Variants in GRIN2B observed in about 807,000 individuals in gnomAD.
GRIN2B encodes glutamate receptor ionotropic, NMDA 2B.
Under a neutral mutation model 114.5 loss-of-function variants are expected in GRIN2B, and 5 were observed. The observed-to-expected ratio is 0.04, with a 90% CI of 0.02 to 0.09. The LOEUF (loss-of-function observed/expected upper bound fraction) is 0.09. GRIN2B is among the 10% of genes least tolerant of loss of function. The pLI is 1.00. For missense variants in GRIN2B, 1,108 were observed against 1,943.5 expected, an observed-to-expected ratio of 0.57 and a Z score of 8.08; for synonymous variants, 787 against 745.1, an observed-to-expected ratio of 1.06 and a Z score of -0.92.
chr12:13,922,752 G>A (rs1407716423), intron 2 of GRIN2B, among the ~76,000 whole-genome samples: 1 of 152,140 alleles, frequency 6.6e-6, no homozygotes, highest in African/African-American at 2.4e-5. Flanking sequence ...ATCTCCTACT[G>A]GTGGTAACAG....
chr12:13,644,107 C>T (rs1949742777), intron 5 of GRIN2B, among the ~76,000 whole-genome samples: 1 of 152,178 alleles, frequency 6.6e-6, no homozygotes, highest in Non-Finnish European at 1.5e-5. Flanking sequence ...ATTTACTTTG[C>T]CTACATCCAT....
At chr12:13,838,426 T>C (rs1204188417) in intron 3 of GRIN2B, among the ~76,000 whole-genome samples, 2 of 152,122 alleles carry the variant, frequency 1.3e-5, no homozygotes. Flanking sequence ...TTTCTTACCT[T>C]CCTAGTTCTC....
chr12:13,759,757 T>C (rs1863644044), intron 3 of GRIN2B, among the ~76,000 whole-genome samples: 1 of 152,224 alleles, frequency 6.6e-6, no homozygotes, highest in South Asian at 2.1e-4. Context: ...GGATGATCTT[T>C]TGTAAACTTA....
chr12:13,907,405 G>A (rs185913530), intron 2 of GRIN2B, among the ~76,000 whole-genome samples: 6 of 151,742 alleles, frequency 4.0e-5, no homozygotes, highest in Admixed American at 3.9e-4. Context: ...CACGAGAATT[G>A]CTTGAGACCG....
intron 3 of GRIN2B, among the ~76,000 whole-genome samples, chr12:13,767,258 C>CAAA (rs34462939): frequency 0.12 from 11,316 of 97,410 alleles, 620 homozygotes; most frequent in Non-Finnish European, 0.14. Flanking sequence ...GACTCTGTCT[C>CAAA]AAAAAAAAAA....
chr12:13,890,886 C>G (rs1866249087), intron 2 of GRIN2B, among the ~76,000 whole-genome samples: 1 of 152,168 alleles, frequency 6.6e-6, no homozygotes, highest in Admixed American at 6.5e-5. Flanking sequence ...CTGGGTATCA[C>G]AACTTTGAGG....
intron 2 of GRIN2B, among the ~76,000 whole-genome samples, chr12:13,887,272 G>A (rs1194947475): frequency 6.6e-6 from 1 of 152,136 alleles, no homozygotes; most frequent in East Asian, 1.9e-4. Context: ...TTAATAATTT[G>A]TAGTATTTAT....
intron 3 of GRIN2B, among the ~76,000 whole-genome samples, chr12:13,757,408 C>T (rs955777988): frequency 6.6e-6 from 1 of 152,118 alleles, no homozygotes; most frequent in Admixed American, 6.5e-5. Flanking sequence ...GGGAAATCTT[C>T]ATGTGTGCAT....
At chr12:13,902,282 C>T (rs993938274) in intron 2 of GRIN2B, among the ~76,000 whole-genome samples, 2 of 151,862 alleles carry the variant, frequency 1.3e-5, no homozygotes, top group Non-Finnish European at 2.9e-5. Context: ...AAAAATCTGC[C>T]GCATATTAAT....
At chr12:13,915,622 G>A (rs1866703916) in intron 2 of GRIN2B, among the ~76,000 whole-genome samples, 1 of 152,226 alleles carries the variant, frequency 6.6e-6, no homozygotes. Context: ...CACTTGAAAT[G>A]TGGCTTAGCA....
At chr12:13,829,258 A>T (rs1435851433) in intron 3 of GRIN2B, among the ~76,000 whole-genome samples, 1 of 152,144 alleles carries the variant, frequency 6.6e-6, no homozygotes, top group Non-Finnish European at 1.5e-5. Flanking sequence ...TTGTTTATTG[A>T]TGTGTTTTAT....
chr12:13,877,127 A>G (rs889152377), intron 2 of GRIN2B, among the ~76,000 whole-genome samples: 1 of 152,228 alleles, frequency 6.6e-6, no homozygotes, highest in Non-Finnish European at 1.5e-5. Flanking sequence ...ATCAATGTTT[A>G]TATGAGAGTT....
At chr12:13,930,930 T>C (rs556808754) in intron 2 of GRIN2B, among the ~76,000 whole-genome samples, 2 of 152,266 alleles carry the variant, frequency 1.3e-5, no homozygotes, top group South Asian at 4.1e-4. Flanking sequence ...ATAATATCAA[T>C]CAGAAGTTCA....
intron 2 of GRIN2B, among the ~76,000 whole-genome samples, chr12:13,918,764 T>A (rs897396139): frequency 6.6e-6 from 1 of 152,204 alleles, no homozygotes; most frequent in African/African-American, 2.4e-5. Flanking sequence ...GAGGTCTCTT[T>A]TTTATACAGT....
At chr12:13,605,527 T>TCTCTCC (rs1949230489) in intron 10 of GRIN2B, among the ~76,000 whole-genome samples, 1 of 55,524 alleles carries the variant, frequency 1.8e-5, no homozygotes, top group South Asian at 6.6e-4. Context: ...AAAGTCTCTC[T>TCTCTCC]CTCTCTCTCT....
intron 4 of GRIN2B, among the ~76,000 whole-genome samples, chr12:13,740,322 A>G (rs1348464126): frequency 6.6e-6 from 1 of 152,164 alleles, no homozygotes; most frequent in Non-Finnish European, 1.5e-5. Context: ...GATGAATGCT[A>G]TGTATTGTCC....
At chr12:13,973,752 A>G (rs561656872) in intron 2 of GRIN2B, among the ~76,000 whole-genome samples, 1 of 152,358 alleles carries the variant, frequency 6.6e-6, no homozygotes, top group Non-Finnish European at 1.5e-5. Flanking sequence ...GGCTGAGCTT[A>G]GGTTTCTTCT....
intron 2 of GRIN2B, among the ~76,000 whole-genome samples, chr12:13,907,316 C>A (rs1866555093): frequency 1.3e-5 from 2 of 151,978 alleles, no homozygotes; most frequent in Admixed American, 6.6e-5. Context: ...CATGGTGAAA[C>A]CTGTCTCTAC....
chr12:13,902,736 G>A (rs1056691904), intron 2 of GRIN2B, among the ~76,000 whole-genome samples: 9 of 152,088 alleles, frequency 5.9e-5, no homozygotes, highest in East Asian at 1.9e-4. Context: ...ACTTGAACCC[G>A]GGAGGCTGAG....
Sources: gnomAD v4.1 joint callset for allele counts (sites outside exome capture counted in the v4.1 genomes callset) on GRCh38, gnomAD v4.1.1 for gene constraint, MANE v1.5 for transcripts, NCBI Gene and HGNC (gene_info 2026-07-23, HGNC 2026-07-21) for gene names.